The following PAQR5 variants were observed in gnomAD, a reference collection of about 807,000 sequenced individuals.
PAQR5 encodes the protein membrane progestin receptor gamma.
A neutral mutation model predicts 34.5 loss-of-function variants in PAQR5; 20 were observed. The observed-to-expected ratio is 0.58, with a 90% CI of 0.41 to 0.84. PAQR5 has a LOEUF of 0.84. Ranked by LOEUF, PAQR5 falls within the 40% of genes least tolerant of loss-of-function variation. The pLI, the probability that PAQR5 is intolerant of heterozygous loss-of-function variation, is 0.00. For missense variants in PAQR5, 378 were observed against 412.7 expected, an observed-to-expected ratio of 0.92 and a Z score of 0.73; for synonymous variants, 131 against 155.6, an observed-to-expected ratio of 0.84 and a Z score of 1.18.
chr15:69,327,343 C>T (rs770894270), intron 1 of PAQR5, among the ~76,000 whole-genome samples: 11 of 152,128 alleles, frequency 7.2e-5, no homozygotes, highest in East Asian at 5.8e-4. Context: ...CTGCTTTCTA[C>T]GCTCTTTCAT....
At chr15:69,323,635 G>T (rs548863050) in intron 1 of PAQR5, among the ~76,000 whole-genome samples, 1 of 152,050 alleles carries the variant, frequency 6.6e-6, no homozygotes, top group African/African-American at 2.4e-5. Context: ...TTCTAATAGC[G>T]TTGCGTTAAA....
Position 69,327,875 on chromosome 15 carries a change from G to A in PAQR5, c.-276-9466G>A, listed in dbSNP as rs145906789. ...ACTCCCAGGGCCCTCACCTACCAGAGTCAAGCGATTCTCCTGCCTCAGCCT... is the reference window on the plus strand; with the variant it reads ...ACTCCCAGGGCCCTCACCTACCAGAATCAAGCGATTCTCCTGCCTCAGCCT... On this transcript the variant is annotated intron_variant, in intron 1 of 8. Coordinates refer to ENST00000395407, the MANE Select transcript of PAQR5 (RefSeq NM_017705.4). Among the ~76,000 whole-genome samples, 781 of 152,140 alleles carry A rather than the reference G, an allele frequency of 5.1e-3. 7 individuals are homozygous for A. The highest frequency in any genetic ancestry group is 0.018 in the African/African-American group (752 of 41,510).
chr15:69,334,543 G>A (rs987731818), intron 1 of PAQR5, among the ~76,000 whole-genome samples: 2 of 152,192 alleles, frequency 1.3e-5, no homozygotes, highest in African/African-American at 4.8e-5. Flanking sequence ...CGCCAGCTAT[G>A]CTAAGAGTCA....
At chr15:69,309,322 C>T (rs917711489) in intron 1 of PAQR5, among the ~76,000 whole-genome samples, 28 of 152,224 alleles carry the variant, frequency 1.8e-4, no homozygotes, top group African/African-American at 5.3e-4. Context: ...GTGCTCCAGG[C>T]GCAGGGCATG....
intron 3 of PAQR5, among the ~76,000 whole-genome samples, chr15:69,369,579 G>T (rs2055498114): frequency 6.6e-6 from 1 of 151,370 alleles, no homozygotes; most frequent in African/African-American, 2.4e-5. Context: ...GAGAGGATTT[G>T]TGTTTGCTTT....
chr15:69,403,862 G>A lies in PAQR5; in HGVS notation c.*40G>A. On this transcript the variant is annotated 3_prime_UTR_variant, in exon 9 of 9. Coordinates refer to ENST00000395407, the MANE Select transcript of PAQR5 (RefSeq NM_017705.4). Reference sequence around the variant, plus strand: ...TTTTCATGCCAGATGTCAACATTAAGCTGCAACATCCTAACCACCATAAGC... The same window carrying A: ...TTTTCATGCCAGATGTCAACATTAAACTGCAACATCCTAACCACCATAAGC... 6.2e-7 allele frequency: 1 copy of A among 1,603,278 alleles called. No homozygotes were observed. Among genetic ancestry groups the A allele is most frequent in the Non-Finnish European group, 8.5e-7 (1 of 1,175,900 alleles).
At chr15:69,340,118 G>T (rs2054606862) in intron 2 of PAQR5, among the ~76,000 whole-genome samples, 1 of 151,710 alleles carries the variant, frequency 6.6e-6, no homozygotes, top group African/African-American at 2.4e-5. Flanking sequence ...TGCCCGCCTT[G>T]GACTCCCAAA....
intron 3 of PAQR5, among the ~76,000 whole-genome samples, chr15:69,363,568 A>G (rs1281116428): frequency 7.9e-6 from 1 of 126,308 alleles, no homozygotes; most frequent in Non-Finnish European, 1.6e-5. Context: ...TTTTTTTGAG[A>G]CAGAGTCTTG....
intron 1 of PAQR5, among the ~76,000 whole-genome samples, chr15:69,326,717 G>A (rs968270239): frequency 3.9e-5 from 6 of 152,112 alleles, no homozygotes; most frequent in South Asian, 2.1e-4. Context: ...GATTACAGGC[G>A]TGAGCCACCG....
chr15:69,300,941 T>G (rs199609547), intron 1 of PAQR5, among the ~76,000 whole-genome samples: 1 of 33,184 alleles, frequency 3.0e-5, no homozygotes, highest in African/African-American at 9.1e-5. Flanking sequence ...CTCTCTCTCT[T>G]TCTTTCCTTC....
At chr15:69,303,026 G>A (rs1317557829) in intron 1 of PAQR5, among the ~76,000 whole-genome samples, 1 of 152,162 alleles carries the variant, frequency 6.6e-6, no homozygotes, top group Non-Finnish European at 1.5e-5. Context: ...TGTCCTCCCT[G>A]TTAGAATAGC....
At position 69,320,145 on chromosome 15, in the gene PAQR5, C is replaced by A. The variant is rs547649793; in HGVS notation, c.-276-17196C>A. Among the ~76,000 whole-genome samples the A allele has an allele frequency of 1.1e-4, 17 of 152,366 alleles. No individual in the cohort carries two copies. In the East Asian group the frequency reaches 3.1e-3, roughly 28 times the overall value. ...TGGCAGGGGCTTCGCCCTTTCCCAG[C>A]CTTGGGGGAGGACCCCGCCTGCTGC... On this transcript the variant is annotated intron_variant, in intron 1 of 8. Transcript: ENST00000395407.
intron 1 of PAQR5, among the ~76,000 whole-genome samples, chr15:69,308,222 G>C (rs1475610328): frequency 6.6e-6 from 1 of 152,172 alleles, no homozygotes; most frequent in East Asian, 1.9e-4. Flanking sequence ...CAAGCTCGAG[G>C]CTGCATGCTT....
In PAQR5 at chr15:69,384,723, A is replaced by G. The variant is rs2056059174; in HGVS notation, c.226A>G (p.Lys76Glu). ...GACTGCACTGTATATGACAGACATCAAGAATGACAGCTACTCCTGGCCCAT... is the reference window on the plus strand; with the variant it reads ...GACTGCACTGTATATGACAGACATCGAGAATGACAGCTACTCCTGGCCCAT... ...FVTALYMTDI[K>E]NDSYSWPMLV... Residue 76 changes from lysine to glutamate, a missense_variant, in exon 5 of 9, where the codon AAG (lysine) becomes GAG (glutamate). Lys to Glu is a moderately conservative substitution (Grantham distance 56). Coordinates refer to ENST00000395407, the MANE Select transcript of PAQR5 (RefSeq NM_017705.4). 6.2e-7 allele frequency: 1 copy of G among 1,614,120 alleles called. No individual in the cohort carries two copies. Among genetic ancestry groups the G allele is most frequent in the Non-Finnish European group, 8.5e-7 (1 of 1,179,982 alleles).
At chr15:69,303,590 A>G (rs972151216) in intron 1 of PAQR5, among the ~76,000 whole-genome samples, 39 of 112,034 alleles carry the variant, frequency 3.5e-4, no homozygotes, top group Admixed American at 1.2e-3. Context: ...CCAATCAATC[A>G]ATCAATCAAT....
At chr15:69,347,889 A>G (rs2054816301) in intron 2 of PAQR5, among the ~76,000 whole-genome samples, 2 of 152,226 alleles carry the variant, frequency 1.3e-5, no homozygotes, top group South Asian at 4.1e-4. Context: ...TAAATACCAT[A>G]ACATTGGGAA....
At chr15:69,374,776 C>CG (rs545249572) in intron 3 of PAQR5, among the ~76,000 whole-genome samples, 85 of 152,282 alleles carry the variant, frequency 5.6e-4, no homozygotes, top group African/African-American at 1.9e-3. Context: ...TCAGACTCCC[C>CG]GCTAGCCTCT....
intron 1 of PAQR5, among the ~76,000 whole-genome samples, chr15:69,322,774 G>GTAGA: frequency 3.1e-5 from 1 of 32,430 alleles, no homozygotes; most frequent in East Asian, 1.1e-3. Context: ...GAAGAAGAGG[G>GTAGA]AGAAGAAGAA....
intron 1 of PAQR5, among the ~76,000 whole-genome samples, chr15:69,337,046 A>T (rs1199705300): frequency 6.6e-6 from 1 of 152,228 alleles, no homozygotes; most frequent in Admixed American, 6.5e-5. Context: ...ATAACTTTAA[A>T]AATTGTACTA....
Sources: allele counts gnomAD v4.1 joint callset (sites outside exome capture counted in the v4.1 genomes callset), GRCh38; gene constraint gnomAD v4.1.1; transcripts MANE v1.5; gene names NCBI Gene and HGNC (gene_info 2026-07-23, HGNC 2026-07-21).